Variants in PARVA observed in about 807,000 individuals in gnomAD.
PARVA encodes alpha-parvin.
A neutral mutation model predicts 52.6 loss-of-function variants in PARVA; 25 were observed. The observed-to-expected ratio is 0.48, with a 90% CI of 0.35 to 0.66. PARVA has a LOEUF of 0.66. Ranked by LOEUF, PARVA falls within the 30% of genes least tolerant of loss-of-function variation. The pLI is 0.01. For missense variants in PARVA, 373 were observed against 450.9 expected, an observed-to-expected ratio of 0.83 and a Z score of 1.56; for synonymous variants, 185 against 179.1, an observed-to-expected ratio of 1.03 and a Z score of -0.26.
At chr11:12,488,218 G>A (rs1941186940) in intron 4 of PARVA, among the ~76,000 whole-genome samples, 1 of 152,168 alleles carries the variant, frequency 6.6e-6, no homozygotes, top group African/African-American at 2.4e-5. Context: ...ACTATTATAA[G>A]TGTTTCAGAG....
chr11:12,450,792 A>T (rs1157644989), intron 1 of PARVA, among the ~76,000 whole-genome samples: 1 of 152,326 alleles, frequency 6.6e-6, no homozygotes, highest in Non-Finnish European at 1.5e-5. Context: ...GTTTGAGGGC[A>T]GGAAGCATCC....
intron 1 of PARVA, among the ~76,000 whole-genome samples, chr11:12,402,872 G>A (rs1024373595): frequency 1.3e-5 from 2 of 152,214 alleles, no homozygotes; most frequent in Non-Finnish European, 1.5e-5. Context: ...GAGTGGTTGA[G>A]TCTCCATTCT....
intron 1 of PARVA, among the ~76,000 whole-genome samples, chr11:12,460,148 G>A (rs779214196): frequency 1.3e-5 from 2 of 152,182 alleles, no homozygotes; most frequent in African/African-American, 2.4e-5. Flanking sequence ...TATGCATTGT[G>A]TTTGGGGAGC....
chr11:12,423,929 T>C (rs1444291898), intron 1 of PARVA, among the ~76,000 whole-genome samples: 1 of 152,228 alleles, frequency 6.6e-6, no homozygotes, highest in Admixed American at 6.5e-5. Flanking sequence ...TTTGGAATTA[T>C]TGTGTATTTA....
In PARVA at chr11:12,421,069, C is replaced by T. The variant is rs1308687300; in HGVS notation, c.136+43286C>T. On this transcript the variant is annotated intron_variant, in intron 1 of 12. Coordinates refer to ENST00000334956, the MANE Select transcript of PARVA (RefSeq NM_018222.5). Reference sequence around the variant, plus strand: ...GTACCGGCTCTAAAGGTGATACTACCATGATTTACTACTTGGGGTGTCTTG... The same window carrying T: ...GTACCGGCTCTAAAGGTGATACTACTATGATTTACTACTTGGGGTGTCTTG... 2.0e-4 allele frequency among the ~76,000 whole-genome samples: 23 copies of T among 112,800 alleles called. No homozygotes were observed. In the Admixed American group the frequency reaches 2.3e-3, roughly 11 times the overall value. The allele number at this position is 112,800 out of a possible 152,430, so 74.0% of individuals were successfully genotyped here. A position where few individuals can be genotyped will look rare whatever the true frequency, so the allele number is the denominator to read the frequency against.
At chr11:12,502,658 T>G (rs1286388917) in intron 5 of PARVA, among the ~76,000 whole-genome samples, 1 of 151,956 alleles carries the variant, frequency 6.6e-6, no homozygotes, top group East Asian at 1.9e-4. Flanking sequence ...CCAGGAGACA[T>G]GTCGAGAGGC....
chr11:12,411,319 G>A (rs1939989686), intron 1 of PARVA, among the ~76,000 whole-genome samples: 1 of 152,190 alleles, frequency 6.6e-6, no homozygotes. Context: ...GTGGGATAGT[G>A]CAGAGAGTTC....
At chr11:12,410,372 G>A (rs536940458) in intron 1 of PARVA, among the ~76,000 whole-genome samples, 8 of 152,182 alleles carry the variant, frequency 5.3e-5, no homozygotes, top group Non-Finnish European at 1.2e-4. Flanking sequence ...CTTTCCCCCC[G>A]GCAGGGACTC....
chr11:12,379,521 T>G (rs1253363906), intron 1 of PARVA, among the ~76,000 whole-genome samples: 2 of 152,252 alleles, frequency 1.3e-5, no homozygotes, highest in East Asian at 1.9e-4. Flanking sequence ...ACACTAGGTC[T>G]TCTTATATCA....
chr11:12,393,040 T>G (rs1939682038), intron 1 of PARVA, among the ~76,000 whole-genome samples: 1 of 87,222 alleles, frequency 1.1e-5, no homozygotes, highest in Admixed American at 1.2e-4. Flanking sequence ...TAACCCCAAA[T>G]TGTGAAAAAA....
At chr11:12,527,618 A>G (rs1019516121) in intron 12 of PARVA, among the ~76,000 whole-genome samples, 2 of 152,074 alleles carry the variant, frequency 1.3e-5, no homozygotes, top group Non-Finnish European at 2.9e-5. Context: ...AGCCCCTGGG[A>G]CAGGTGGGGA....
At chr11:12,460,832 G>A (rs555051104) in intron 1 of PARVA, among the ~76,000 whole-genome samples, 2 of 152,310 alleles carry the variant, frequency 1.3e-5, no homozygotes, top group Admixed American at 6.5e-5. Context: ...CTCAGGTGAT[G>A]CATGAAGACG....
At chr11:12,463,976 CT>C (rs71037069) in intron 1 of PARVA, among the ~76,000 whole-genome samples, 6 of 135,508 alleles carry the variant, frequency 4.4e-5, no homozygotes, top group Middle Eastern at 3.8e-3. Context: ...GACATCCCTC[CT>C]TTTTTTTTTT....
intron 1 of PARVA, among the ~76,000 whole-genome samples, chr11:12,424,011 T>C (rs1428600715): frequency 6.6e-6 from 1 of 152,244 alleles, no homozygotes; most frequent in Admixed American, 6.5e-5. Flanking sequence ...ATTGTTATTA[T>C]GTTAATCTAT....
chr11:12,405,379 T>C (rs1418567555), intron 1 of PARVA, among the ~76,000 whole-genome samples: 1 of 152,184 alleles, frequency 6.6e-6, no homozygotes, highest in Non-Finnish European at 1.5e-5. Context: ...CACATGCGTA[T>C]AGGAAAAAGT....
chr11:12,388,154 A>G (rs80070964), intron 1 of PARVA, among the ~76,000 whole-genome samples: 3,534 of 152,284 alleles, frequency 0.023, 146 homozygotes, highest in African/African-American at 0.081. Context: ...GACAGAACTC[A>G]CCAAGAGGAG....
intron 1 of PARVA, among the ~76,000 whole-genome samples, chr11:12,427,612 T>A (rs898822829): frequency 2.6e-5 from 4 of 152,166 alleles, no homozygotes; most frequent in African/African-American, 9.7e-5. Context: ...CATTTTTTTT[T>A]AAAGCAAGTT....
At chr11:12,466,595 C>T (rs546947763) in intron 1 of PARVA, among the ~76,000 whole-genome samples, 14 of 152,248 alleles carry the variant, frequency 9.2e-5, no homozygotes, top group South Asian at 2.1e-4. Flanking sequence ...TAAGCCACCA[C>T]GCCCGGCCTG....
intron 1 of PARVA, among the ~76,000 whole-genome samples, chr11:12,413,888 AAGC>A (rs1940027368): frequency 6.6e-6 from 1 of 152,358 alleles, no homozygotes; most frequent in Admixed American, 6.5e-5. Context: ...CCAGAGAACA[AAGC>A]AGTTTCTGCA....
Sources: allele counts gnomAD v4.1 joint callset (sites outside exome capture counted in the v4.1 genomes callset), GRCh38; gene constraint gnomAD v4.1.1; transcripts MANE v1.5; gene names NCBI Gene and HGNC (gene_info 2026-07-23, HGNC 2026-07-21).